The following STX18 variants were observed in gnomAD, a reference collection of about 807,000 sequenced individuals.
The protein encoded by STX18 is syntaxin-18.
STX18 carries 40 observed loss-of-function variants against 50.1 expected under a neutral mutation model. The ratio of observed to expected loss-of-function variants is 0.80; its 90% CI spans 0.62 to 1.04. STX18 has a LOEUF of 1.04. STX18 is among the 50% of genes least tolerant of loss of function. The probability of loss-of-function intolerance (pLI) is 0.00; values close to 1 mark genes in which losing one functional copy is unlikely to be tolerated. For missense variants in STX18, 410 were observed against 415.8 expected (o/e 0.99, Z 0.12); for synonymous variants, 158 against 151.8 (o/e 1.04, Z -0.30).
chr4:4,508,897 T>C (rs1332172714), intron 1 of STX18, among the ~76,000 whole-genome samples: 1 of 152,228 alleles, frequency 6.6e-6, no homozygotes, highest in Non-Finnish European at 1.5e-5. Flanking sequence ...ATGATCGTGT[T>C]CCTTTTTATG....
chr4:4,514,616 G>A (rs1373847719), intron 1 of STX18, among the ~76,000 whole-genome samples: 1 of 152,142 alleles, frequency 6.6e-6, no homozygotes, highest in East Asian at 1.9e-4. Context: ...TAATACAATA[G>A]GATAGGATAA....
At chr4:4,501,880 G>A (rs1200560363) in intron 1 of STX18, among the ~76,000 whole-genome samples, 2 of 152,178 alleles carry the variant, frequency 1.3e-5, no homozygotes, top group Non-Finnish European at 2.9e-5. Context: ...TGGAAATTCT[G>A]ATTCAAACTT....
At chr4:4,541,437 G>A (rs1731589399) in intron 1 of STX18, among the ~76,000 whole-genome samples, 1 of 152,184 alleles carries the variant, frequency 6.6e-6, no homozygotes, top group African/African-American at 2.4e-5. Context: ...TGCTGCAACA[G>A]GAAGCGAAGG....
intron 1 of STX18, among the ~76,000 whole-genome samples, chr4:4,501,370 G>A (rs1220933659): frequency 6.6e-6 from 1 of 152,180 alleles, no homozygotes; most frequent in Non-Finnish European, 1.5e-5. Context: ...CAGGACCATT[G>A]CTGCCACCTC....
intron 1 of STX18, among the ~76,000 whole-genome samples, chr4:4,524,714 T>C (rs1189379024): frequency 3.3e-5 from 5 of 152,246 alleles, no homozygotes; most frequent in Non-Finnish European, 5.9e-5. Context: ...AGTCCAGCCA[T>C]GCCAGAGGTT....
chr4:4,537,894 T>G (rs776516510), intron 1 of STX18, among the ~76,000 whole-genome samples: 5 of 152,154 alleles, frequency 3.3e-5, no homozygotes, highest in African/African-American at 4.8e-5. Flanking sequence ...TCACTGCCAT[T>G]CAGAAACCAA....
chr4:4,506,670 T>C (rs1448698112), intron 1 of STX18, among the ~76,000 whole-genome samples: 6 of 152,188 alleles, frequency 3.9e-5, no homozygotes, highest in African/African-American at 1.4e-4. Flanking sequence ...AGGATAGCAT[T>C]GAACTCTATA....
intron 1 of STX18, among the ~76,000 whole-genome samples, chr4:4,513,157 T>A: frequency 6.6e-6 from 1 of 152,188 alleles, no homozygotes; most frequent in East Asian, 1.9e-4. Context: ...CTTCCCTGGT[T>A]GTCTCTTTAG....
chr4:4,437,777 T>C (rs1452581055), intron 6 of STX18, among the ~76,000 whole-genome samples: 1 of 152,186 alleles, frequency 6.6e-6, no homozygotes, highest in Admixed American at 6.5e-5. Flanking sequence ...TATGCAGGCA[T>C]CCCTACGCAG....
At chr4:4,470,540 C>CAA (rs1221926429) in intron 2 of STX18, among the ~76,000 whole-genome samples, 3 of 152,100 alleles carry the variant, frequency 2.0e-5, no homozygotes, top group African/African-American at 7.2e-5. Context: ...GTGACAAAGA[C>CAA]AGATAATAAA....
chr4:4,463,598 T>C (rs1042447007), intron 2 of STX18, among the ~76,000 whole-genome samples: 1 of 152,184 alleles, frequency 6.6e-6, no homozygotes, highest in African/African-American at 2.4e-5. Flanking sequence ...ATGAAAGATA[T>C]TTACAACCAC....
intron 2 of STX18, chr4:4,461,881 C>T (rs1268009245): frequency 4.4e-6 from 2 of 456,276 alleles, no homozygotes; most frequent in Admixed American, 4.7e-5. Context: ...AGTCACCACA[C>T]CTTTCTCTCC....
chr4:4,454,035 C>T (rs531902534), intron 5 of STX18, among the ~76,000 whole-genome samples: 2 of 152,194 alleles, frequency 1.3e-5, no homozygotes, highest in Non-Finnish European at 2.9e-5. Context: ...GGTCTCATTT[C>T]GCTGGACAGA....
chr4:4,531,825 C>T (rs1337417527), intron 1 of STX18, among the ~76,000 whole-genome samples: 1 of 152,266 alleles, frequency 6.6e-6, no homozygotes, highest in East Asian at 1.9e-4. Flanking sequence ...AATACTAGAA[C>T]ATTCAATTTT....
chr4:4,502,716 GGCTGAATT>G (rs1305225466), intron 1 of STX18, among the ~76,000 whole-genome samples: 3 of 152,222 alleles, frequency 2.0e-5, no homozygotes, highest in African/African-American at 7.2e-5. Flanking sequence ...TGGAAGTGGA[GGCTGAATT>G]GCTAAGGTGT....
chr4:4,523,291 T>TCTCAAA (rs1446810685), intron 1 of STX18, among the ~76,000 whole-genome samples: 1 of 152,196 alleles, frequency 6.6e-6, no homozygotes, highest in African/African-American at 2.4e-5. Flanking sequence ...TCAAATGTAG[T>TCTCAAA]CTTTTCCCAG....
At chr4:4,422,212 T>G (rs1373628665) in intron 9 of STX18, among the ~76,000 whole-genome samples, 1 of 151,772 alleles carries the variant, frequency 6.6e-6, no homozygotes, top group Non-Finnish European at 1.5e-5. Context: ...AGAATCAATA[T>G]GAACTACAAT....
chr4:4,437,695 G>T, intron 6 of STX18: 1 of 855,162 alleles, frequency 1.2e-6, no homozygotes, highest in Non-Finnish European at 1.4e-6. Context: ...GTCTCTCCTG[G>T]CTCCAGCACG....
intron 5 of STX18, among the ~76,000 whole-genome samples, chr4:4,449,350 A>C (rs1726623476): frequency 6.7e-6 from 1 of 149,934 alleles, no homozygotes; most frequent in African/African-American, 2.5e-5. Context: ...TGTGCACGGC[A>C]CCCCCCCACC....
Sources: allele counts gnomAD v4.1 joint callset (sites outside exome capture counted in the v4.1 genomes callset), GRCh38; gene constraint gnomAD v4.1.1; transcripts MANE v1.5; gene names NCBI Gene and HGNC (gene_info 2026-07-23, HGNC 2026-07-21).